The following LRMDA variants were observed in gnomAD, a reference collection of about 807,000 sequenced individuals.
LRMDA encodes leucine rich melanocyte differentiation associated.
In LRMDA, 18 loss-of-function variants were observed where a neutral mutation model predicts 29.8. The ratio of observed to expected loss-of-function variants is 0.60; its 90% CI spans 0.42 to 0.90. The LOEUF is 0.90. LRMDA is among the 40% of genes least tolerant of loss of function. The probability of loss-of-function intolerance (pLI) is 0.00; values close to 1 mark genes in which losing one functional copy is unlikely to be tolerated. For synonymous variants in LRMDA, 125 were observed against 109.4 expected (o/e 1.14, Z -0.89); for missense variants, 273 against 273.9 (o/e 1.00, Z 0.02).
chr10:75,555,191 T>C (rs1340670531), intron 2 of LRMDA, among the ~76,000 whole-genome samples: 1 of 152,046 alleles, frequency 6.6e-6, no homozygotes, highest in East Asian at 1.9e-4. Context: ...TCTTACATGA[T>C]TACTAAGGGA....
chr10:76,179,510 G>A (rs1238902349), intron 5 of LRMDA, among the ~76,000 whole-genome samples: 2 of 152,222 alleles, frequency 1.3e-5, no homozygotes, highest in Non-Finnish European at 2.9e-5. Flanking sequence ...GGATGGCTGG[G>A]AGGATCGGGA....
chr10:76,010,233 A>G (rs1306823746), intron 2 of LRMDA, among the ~76,000 whole-genome samples: 1 of 151,908 alleles, frequency 6.6e-6, no homozygotes. Context: ...TTTGGTCTAG[A>G]GAGTCCACTG....
At chr10:75,849,551 A>G (rs1844696344) in intron 2 of LRMDA, among the ~76,000 whole-genome samples, 1 of 152,172 alleles carries the variant, frequency 6.6e-6, no homozygotes, top group South Asian at 2.1e-4. Context: ...GGAGCCGAAC[A>G]ATGAGATCAC....
At chr10:76,355,912 C>A (rs1476777083) in intron 6 of LRMDA, among the ~76,000 whole-genome samples, 1 of 152,176 alleles carries the variant, frequency 6.6e-6, no homozygotes, top group Non-Finnish European at 1.5e-5. Flanking sequence ...TCAAGCTTTT[C>A]TTGGAACTTG....
chr10:75,896,957 C>T (rs977931850), intron 2 of LRMDA, among the ~76,000 whole-genome samples: 16 of 152,116 alleles, frequency 1.1e-4, no homozygotes, highest in Admixed American at 8.5e-4. Flanking sequence ...ATAAAAGGCA[C>T]TTAGTCCAAA....
intron 2 of LRMDA, among the ~76,000 whole-genome samples, chr10:75,928,192 G>A (rs1846151982): frequency 6.6e-6 from 1 of 152,118 alleles, no homozygotes; most frequent in Admixed American, 6.5e-5. Context: ...GCGGCAGGGA[G>A]CTGCAAATAA....
At chr10:75,728,850 C>CTG (rs1842661861) in intron 2 of LRMDA, among the ~76,000 whole-genome samples, 1 of 151,206 alleles carries the variant, frequency 6.6e-6, no homozygotes, top group African/African-American at 2.4e-5. Flanking sequence ...ATAAGTTGGT[C>CTG]TGTGTGTGTG....
intron 2 of LRMDA, among the ~76,000 whole-genome samples, chr10:75,857,660 A>T (rs181145025): frequency 1.1e-3 from 168 of 152,352 alleles, no homozygotes; most frequent in African/African-American, 3.8e-3. Context: ...CGAAATGGGG[A>T]TAGAGATCAT....
chr10:75,574,603 TC>T (rs933583982), intron 2 of LRMDA, among the ~76,000 whole-genome samples: 5 of 152,186 alleles, frequency 3.3e-5, no homozygotes, highest in African/African-American at 1.2e-4. Flanking sequence ...TTTTCTGTCA[TC>T]TTCATAGGCC....
intron 2 of LRMDA, among the ~76,000 whole-genome samples, chr10:75,488,312 C>T (rs539686938): frequency 2.6e-5 from 4 of 152,208 alleles, no homozygotes; most frequent in South Asian, 2.1e-4. Context: ...TTTTTGAAAT[C>T]GTTAGCCTTC....
intron 2 of LRMDA, among the ~76,000 whole-genome samples, chr10:75,703,798 TAGG>T (rs2132171570): frequency 6.6e-6 from 1 of 152,364 alleles, no homozygotes; most frequent in African/African-American, 2.4e-5. Context: ...CAGAATAAAA[TAGG>T]GCCATGAAAT....
intron 2 of LRMDA, among the ~76,000 whole-genome samples, chr10:75,809,982 G>A (rs2132270418): frequency 6.6e-6 from 1 of 152,316 alleles, no homozygotes; most frequent in Non-Finnish European, 1.5e-5. Flanking sequence ...GGGGCCTTGT[G>A]TGGCTATGCT....
intron 2 of LRMDA, among the ~76,000 whole-genome samples, chr10:76,011,179 T>G (rs1847771599): frequency 6.6e-6 from 1 of 152,138 alleles, no homozygotes; most frequent in East Asian, 1.9e-4. Flanking sequence ...CCACACTAAT[T>G]GTGGGAGCGT....
At chr10:75,720,900 A>G (rs1056453695) in intron 2 of LRMDA, among the ~76,000 whole-genome samples, 3 of 152,226 alleles carry the variant, frequency 2.0e-5, no homozygotes, top group Admixed American at 6.5e-5. Context: ...GGAAGCAAGC[A>G]TGAGAACCCA....
Position 75,746,462 on chromosome 10 carries a change from A to G in LRMDA, c.132-289546A>G, listed in dbSNP as rs529997355. Reference sequence around the variant, plus strand: ...AGAACTTCTAGTTCAGGACTCAGGAAAATCTGAGTGTAAATTAGAGAGACA... The same window carrying G: ...AGAACTTCTAGTTCAGGACTCAGGAGAATCTGAGTGTAAATTAGAGAGACA... On this transcript the variant is annotated intron_variant, in intron 2 of 6. Coordinates refer to ENST00000611255, the MANE Select transcript of LRMDA (RefSeq NM_001305581.2). Among the ~76,000 whole-genome samples, 17 of 152,280 alleles carry G rather than the reference A, an allele frequency of 1.1e-4. No homozygotes were observed. The East Asian group carries it at 3.1e-3, about 28-fold the overall frequency.
At chr10:76,218,239 A>C (rs1413550724) in intron 5 of LRMDA, among the ~76,000 whole-genome samples, 2 of 152,176 alleles carry the variant, frequency 1.3e-5, no homozygotes, top group Non-Finnish European at 2.9e-5. Context: ...CTTGTAATGG[A>C]GTGGAAAATT....
chr10:76,105,746 G>A (rs1226745923), intron 5 of LRMDA, among the ~76,000 whole-genome samples: 2 of 152,052 alleles, frequency 1.3e-5, no homozygotes, highest in Admixed American at 1.3e-4. Flanking sequence ...ATAAATTTGT[G>A]CTGTTTTGTT....
chr10:76,065,210 G>A (rs1848763764), intron 5 of LRMDA, among the ~76,000 whole-genome samples: 1 of 152,188 alleles, frequency 6.6e-6, no homozygotes, highest in African/African-American at 2.4e-5. Flanking sequence ...GGCATCCTGT[G>A]CCTCAAGCAA....
chr10:75,973,719 G>A (rs966194943), intron 2 of LRMDA, among the ~76,000 whole-genome samples: 7 of 151,980 alleles, frequency 4.6e-5, no homozygotes, highest in African/African-American at 9.7e-5. Context: ...CATGCCTGGC[G>A]GCCCTCATCC....
Sources: allele counts gnomAD v4.1 joint callset (sites outside exome capture counted in the v4.1 genomes callset), GRCh38; gene constraint gnomAD v4.1.1; transcripts MANE v1.5; gene names NCBI Gene and HGNC (gene_info 2026-07-23, HGNC 2026-07-21).